PLEKHA2: variants seen among roughly 807,000 people sequenced by gnomAD.
PLEKHA2 encodes pleckstrin homology domain containing A2.
Under a neutral mutation model 53.2 loss-of-function variants are expected in PLEKHA2, and 28 were observed. That is an observed-to-expected ratio of 0.53 (90% CI 0.39 to 0.72). The LOEUF (loss-of-function observed/expected upper bound fraction) is 0.72, where lower values mean the gene tolerates loss of function less well. Ranked by LOEUF, PLEKHA2 falls within the 30% of genes least tolerant of loss-of-function variation. The pLI is 0.00. For synonymous variants in PLEKHA2, 193 were observed against 196.4 expected, an observed-to-expected ratio of 0.98 and a Z score of 0.14; for missense variants, 426 against 537.9, an observed-to-expected ratio of 0.79 and a Z score of 2.06.
At chr8:38,918,524 A>ACATGCACACACACT (rs1834111060) in intron 2 of PLEKHA2, among the ~76,000 whole-genome samples, 1 of 146,674 alleles carries the variant, frequency 6.8e-6, no homozygotes, top group Non-Finnish European at 1.5e-5. Flanking sequence ...CCATACACAC[A>ACATGCACACACACT]TGCACACACA....
intron 4 of PLEKHA2, among the ~76,000 whole-genome samples, chr8:38,945,029 A>C (rs1834684303): frequency 6.6e-6 from 1 of 152,136 alleles, no homozygotes; most frequent in Non-Finnish European, 1.5e-5. Flanking sequence ...TAAGGGTCTC[A>C]GTTGCCCAAT....
chr8:38,957,039 G>T (rs1256010909), intron 9 of PLEKHA2, among the ~76,000 whole-genome samples: 1 of 152,170 alleles, frequency 6.6e-6, no homozygotes, highest in East Asian at 1.9e-4. Flanking sequence ...TTGGATATTA[G>T]GCAGGAGGTT....
chr8:38,956,701 A>G (rs1486239734), intron 9 of PLEKHA2, among the ~76,000 whole-genome samples: 1 of 152,038 alleles, frequency 6.6e-6, no homozygotes, highest in Non-Finnish European at 1.5e-5. Flanking sequence ...CCATGATTGT[A>G]CCACTGTACC....
intron 1 of PLEKHA2, among the ~76,000 whole-genome samples, chr8:38,908,475 A>G (rs1833911141): frequency 6.6e-6 from 1 of 152,244 alleles, no homozygotes; most frequent in Non-Finnish European, 1.5e-5. Context: ...TGAGAAATTT[A>G]TTATCAGATT....
intron 2 of PLEKHA2, 99 bp downstream of exon 2, chr8:38,918,169 A>G (rs1834095703): frequency 7.0e-7 from 1 of 1,438,260 alleles, no homozygotes. Flanking sequence ...CTCGTGAGCA[A>G]CACAACCTGC....
intron 3 of PLEKHA2, among the ~76,000 whole-genome samples, chr8:38,938,124 A>G (rs1834530907): frequency 6.6e-6 from 1 of 152,194 alleles, no homozygotes; most frequent in African/African-American, 2.4e-5. Flanking sequence ...CTGCACAGCC[A>G]ACCCCGCTGT....
intron 2 of PLEKHA2, among the ~76,000 whole-genome samples, chr8:38,925,639 A>C (rs1241620477): frequency 6.6e-6 from 1 of 152,250 alleles, no homozygotes; most frequent in African/African-American, 2.4e-5. Flanking sequence ...GCTTTTATTT[A>C]ATTTTTTTAA....
rs750569842 is a variant in PLEKHA2, at chr8:38,968,574, G to C, written c.838-18G>C. On this transcript the variant is annotated intron_variant, in intron 10 of 11. Coordinates refer to ENST00000617275, the MANE Select transcript of PLEKHA2 (RefSeq NM_021623.2). Reference sequence around the variant, plus strand: ...TAGTGCCTAAAATTTCTTGGTAAGAGCCATGGATGTTTTGCAGGCAGACAG... The same window carrying C: ...TAGTGCCTAAAATTTCTTGGTAAGACCCATGGATGTTTTGCAGGCAGACAG... 1 of 1,613,632 alleles carries C rather than the reference G, an allele frequency of 6.2e-7. No individual in the cohort carries two copies. The highest frequency in any genetic ancestry group is 8.5e-7 in the Non-Finnish European group (1 of 1,179,688).
chr8:38,965,779 T>C (rs1371856725), intron 10 of PLEKHA2, among the ~76,000 whole-genome samples: 1 of 152,194 alleles, frequency 6.6e-6, no homozygotes, highest in Non-Finnish European at 1.5e-5. Context: ...GGCTTCATTT[T>C]TTTGTCGCAT....
intron 3 of PLEKHA2, among the ~76,000 whole-genome samples, chr8:38,940,956 T>C (rs1414442804): frequency 6.6e-6 from 1 of 151,994 alleles, no homozygotes; most frequent in African/African-American, 2.4e-5. Flanking sequence ...ATGATTTGGC[T>C]CTGAGTAACT....
At chr8:38,930,963 G>A (rs117177347) in intron 2 of PLEKHA2, among the ~76,000 whole-genome samples, 2 of 152,274 alleles carry the variant, frequency 1.3e-5, no homozygotes, top group East Asian at 1.9e-4. Context: ...TGAAGCATGC[G>A]TCTTAGTTTG....
At chr8:38,938,683 C>T (rs1206962558) in intron 3 of PLEKHA2, among the ~76,000 whole-genome samples, 2 of 152,166 alleles carry the variant, frequency 1.3e-5, no homozygotes, top group Admixed American at 6.5e-5. Flanking sequence ...GACCTCTGCT[C>T]GCTGCTGGGG....
rs1834821533 is a variant in PLEKHA2, at chr8:38,950,860, G to T, written c.356G>T (p.Gly119Val). 2.5e-6 allele frequency: 4 copies of T among 1,613,590 alleles called. No individual in the cohort carries two copies. The highest frequency in any genetic ancestry group is 3.4e-6 in the Non-Finnish European group (4 of 1,179,646). ...NQASKITVPKGGGLPMTTEVL... is the reference protein window; with the variant it reads ...NQASKITVPKVGGLPMTTEVL... The stretch of plus-strand genomic sequence containing the variant: ...TGCCGCTCACCCCAGGTTCCCAAAG[G>T]TGGGGGCCTACCCATGACCACTGAA... The change falls in exon 6 of 12, where the codon GGT becomes GTT. Residue 119 changes from glycine (G) to valine (V), a missense_variant. By Grantham distance (109) the Gly-to-Val change is moderately radical (BLOSUM62 -3). Transcript: ENST00000617275.
chr8:38,944,236 C>T (rs114995600), intron 4 of PLEKHA2, among the ~76,000 whole-genome samples: 2,662 of 151,980 alleles, frequency 0.018, 94 homozygotes, highest in African/African-American at 0.061. Flanking sequence ...CAGGTTTGCC[C>T]GGGCCTGGTG....
chr8:38,952,573 G>T, intron 7 of PLEKHA2, 63 bp from the exon 8 acceptor site: 2 of 1,532,216 alleles, frequency 1.3e-6, no homozygotes, highest in East Asian at 4.6e-5. Flanking sequence ...CTTAGCATGA[G>T]TACACCCTCC....
intron 1 of PLEKHA2, among the ~76,000 whole-genome samples, chr8:38,912,859 T>G (rs1463512976): frequency 6.6e-6 from 1 of 152,118 alleles, no homozygotes; most frequent in Non-Finnish European, 1.5e-5. Flanking sequence ...ACCTCCCACA[T>G]TCCTGATGAG....
At chr8:38,911,831 C>G (rs1833959282) in intron 1 of PLEKHA2, among the ~76,000 whole-genome samples, 1 of 152,050 alleles carries the variant, frequency 6.6e-6, no homozygotes, top group Non-Finnish European at 1.5e-5. Flanking sequence ...AAAAAATTAG[C>G]CCTCCATGGT....
At chr8:38,927,913 GC>G (rs1329328441) in intron 2 of PLEKHA2, among the ~76,000 whole-genome samples, 1 of 152,050 alleles carries the variant, frequency 6.6e-6, no homozygotes, top group Non-Finnish European at 1.5e-5. Context: ...TTGTCACAGA[GC>G]TTCCTGATAT....
chr8:38,958,052 C>T (rs562138136), intron 10 of PLEKHA2, among the ~76,000 whole-genome samples: 10 of 152,238 alleles, frequency 6.6e-5, no homozygotes, highest in East Asian at 1.9e-4. Context: ...TGGCCAGGCG[C>T]GGTGGCTCAT....
Sources: gnomAD v4.1 joint callset for allele counts (sites outside exome capture counted in the v4.1 genomes callset) on GRCh38, gnomAD v4.1.1 for gene constraint, MANE v1.5 for transcripts, NCBI Gene and HGNC (gene_info 2026-07-23, HGNC 2026-07-21) for gene names.